Variants in PDE4B observed in about 807,000 individuals in gnomAD.
PDE4B encodes the protein phosphodiesterase 4B, also known as 3',5'-cyclic-AMP phosphodiesterase 4B.
In PDE4B, 20 loss-of-function variants were observed where a neutral mutation model predicts 82.2. The ratio of observed to expected loss-of-function variants is 0.24; its 90% CI spans 0.17 to 0.35. The LOEUF (loss-of-function observed/expected upper bound fraction) is 0.35. Ranked by LOEUF, PDE4B falls within the 10% of genes least tolerant of loss-of-function variation. The pLI is 1.00. For synonymous variants in PDE4B, 320 were observed against 318.9 expected, an observed-to-expected ratio of 1.00 and a Z score of -0.04; for missense variants, 655 against 907.2, an observed-to-expected ratio of 0.72 and a Z score of 3.57.
chr1:66,167,884 G>A (rs1646766117), intron 3 of PDE4B, among the ~76,000 whole-genome samples: 1 of 152,094 alleles, frequency 6.6e-6, no homozygotes, highest in South Asian at 2.1e-4. Context: ...TACTTTAGTA[G>A]CATTCTCAAA....
chr1:65,821,892 T>C (rs1466719972), intron 1 of PDE4B, among the ~76,000 whole-genome samples: 1 of 152,214 alleles, frequency 6.6e-6, no homozygotes, highest in African/African-American at 2.4e-5. Flanking sequence ...AAGTACAATA[T>C]AAAATAGAAA....
chr1:66,173,801 T>A (rs1646882533), intron 3 of PDE4B, among the ~76,000 whole-genome samples: 1 of 152,216 alleles, frequency 6.6e-6, no homozygotes, highest in Non-Finnish European at 1.5e-5. Context: ...TGGTTTGTTT[T>A]TTGATGCAGA....
intron 3 of PDE4B, among the ~76,000 whole-genome samples, chr1:66,175,533 A>G (rs1390650601): frequency 6.6e-6 from 1 of 152,238 alleles, no homozygotes; most frequent in Non-Finnish European, 1.5e-5. Context: ...ATAGATACAG[A>G]CAGCGGAAAA....
intron 3 of PDE4B, among the ~76,000 whole-genome samples, chr1:66,040,908 A>G (rs958692214): frequency 2.0e-5 from 3 of 151,934 alleles, no homozygotes; most frequent in African/African-American, 4.8e-5. Flanking sequence ...ACAAAATCGT[A>G]TCTTGCTCAT....
rs5774779 is a variant in PDE4B, at chr1:65,968,496, A to ATT, written c.281+49670_281+49671dup. Among the ~76,000 whole-genome samples, 1,154 of 150,392 alleles carry ATT rather than the reference A, an allele frequency of 7.7e-3. 6 individuals carry two copies. The highest frequency in any genetic ancestry group is 0.012 in the Non-Finnish European group (825 of 67,520). ...GTTCCCTCCTACTGGGTTGACTATA[A>ATT]TTTTTTTTTTAATTCACTCATTGTT... On this transcript the variant is annotated intron_variant, in intron 3 of 16. Coordinates refer to ENST00000341517, the MANE Select transcript of PDE4B (RefSeq NM_002600.4).
At chr1:66,100,686 G>A (rs577061371) in intron 3 of PDE4B, among the ~76,000 whole-genome samples, 68 of 152,144 alleles carry the variant, frequency 4.5e-4, no homozygotes, top group Non-Finnish European at 7.1e-4. Context: ...GAGGTTAACT[G>A]CACATCCCCA....
intron 3 of PDE4B, among the ~76,000 whole-genome samples, chr1:66,101,715 G>A (rs191168402): frequency 7.4e-4 from 112 of 152,150 alleles, no homozygotes; most frequent in East Asian, 2.3e-3. Flanking sequence ...TGAGTTCTTC[G>A]TAGATTCTGG....
At chr1:66,272,783 T>TC (rs1557671894) in intron 7 of PDE4B, among the ~76,000 whole-genome samples, 1 of 133,366 alleles carries the variant, frequency 7.5e-6, no homozygotes. Context: ...AGAATTCTTT[T>TC]TTTTTTTTTT....
intron 1 of PDE4B, among the ~76,000 whole-genome samples, chr1:65,880,686 A>G (rs189191226): frequency 4.6e-5 from 7 of 152,282 alleles, no homozygotes; most frequent in African/African-American, 1.7e-4. Context: ...CAGTGCTTTG[A>G]TCTTGGACGT....
At chr1:66,139,047 G>T (rs1261374197) in intron 3 of PDE4B, among the ~76,000 whole-genome samples, 2 of 152,162 alleles carry the variant, frequency 1.3e-5, no homozygotes, top group African/African-American at 4.8e-5. Context: ...GGACCCAAAA[G>T]GTCTAATTAT....
intron 3 of PDE4B, among the ~76,000 whole-genome samples, chr1:66,207,597 A>C (rs1162341698): frequency 6.6e-6 from 1 of 152,196 alleles, no homozygotes; most frequent in African/African-American, 2.4e-5. Flanking sequence ...TTCTTTCTAA[A>C]ATTTTTTAAA....
chr1:66,371,094 CTATATATATATATATATATATA>C (rs557320202), intron 16 of PDE4B, among the ~76,000 whole-genome samples: 90 of 74,844 alleles, frequency 1.2e-3, no homozygotes, highest in African/African-American at 2.7e-3. Flanking sequence ...ACACATCATA[CTATATATATATATATATATATA>C]TATATATATA....
At chr1:66,088,702 T>TA (rs1406402354) in intron 3 of PDE4B, among the ~76,000 whole-genome samples, 1 of 152,108 alleles carries the variant, frequency 6.6e-6, no homozygotes, top group Non-Finnish European at 1.5e-5. Context: ...AACTTGGGCT[T>TA]CAGAGCCTAG....
chr1:65,893,014 T>C (rs950213560), intron 1 of PDE4B, among the ~76,000 whole-genome samples: 15 of 152,056 alleles, frequency 9.9e-5, no homozygotes, highest in Non-Finnish European at 1.6e-4. Context: ...AATAGAATAA[T>C]TTTTTATTGT....
At chr1:66,068,144 G>C (rs1655963757) in intron 3 of PDE4B, among the ~76,000 whole-genome samples, 1 of 151,566 alleles carries the variant, frequency 6.6e-6, no homozygotes. Flanking sequence ...CAGTGCCTTG[G>C]GGGAGCTATA....
intron 3 of PDE4B, among the ~76,000 whole-genome samples, chr1:65,929,870 T>A (rs1647734129): frequency 1.3e-5 from 2 of 152,190 alleles, no homozygotes; most frequent in Admixed American, 6.5e-5. Context: ...GTAGAATCCT[T>A]AGCATTTTTG....
At chr1:66,054,591 T>C (rs1333686359) in intron 3 of PDE4B, among the ~76,000 whole-genome samples, 3 of 152,230 alleles carry the variant, frequency 2.0e-5, no homozygotes, top group African/African-American at 7.2e-5. Flanking sequence ...TAATTTTTCT[T>C]ACACTTCAGT....
chr1:66,370,175 A>AAG (rs2050693143), intron 16 of PDE4B, among the ~76,000 whole-genome samples: 3 of 149,948 alleles, frequency 2.0e-5, no homozygotes, highest in Admixed American at 6.6e-5. Context: ...AAAAAAAAAA[A>AAG]AAAGAAAGAA....
intron 3 of PDE4B, among the ~76,000 whole-genome samples, chr1:66,204,383 G>C (rs1437138467): frequency 2.0e-5 from 3 of 152,260 alleles, no homozygotes; most frequent in African/African-American, 4.8e-5. Context: ...CTGTCAGACA[G>C]GGACGTTTAA....
Sources: gnomAD v4.1 joint callset for allele counts (sites outside exome capture counted in the v4.1 genomes callset) on GRCh38, gnomAD v4.1.1 for gene constraint, MANE v1.5 for transcripts, NCBI Gene and HGNC (gene_info 2026-07-23, HGNC 2026-07-21) for gene names.